C8orf34: variants seen among roughly 807,000 people sequenced by gnomAD.
The protein encoded by C8orf34 is uncharacterized protein C8orf34.
Under a neutral mutation model 68.3 loss-of-function variants are expected in C8orf34, and 65 were observed. The ratio of observed to expected loss-of-function variants is 0.95; its 90% confidence interval spans 0.78 to 1.17. C8orf34 has a LOEUF of 1.17. C8orf34 is among the 50% of genes most tolerant of loss of function. The probability of loss-of-function intolerance (pLI) is 0.00; values close to 1 mark genes in which losing one functional copy is unlikely to be tolerated. For synonymous variants in C8orf34, 244 were observed against 241.2 expected (o/e 1.01, Z -0.11); for missense variants, 664 against 655.4 (o/e 1.01, Z -0.14).
intron 1 of C8orf34, among the ~76,000 whole-genome samples, chr8:68,414,535 T>C (rs1000437791): frequency 6.6e-6 from 1 of 152,200 alleles, no homozygotes; most frequent in Non-Finnish European, 1.5e-5. Flanking sequence ...ATTGACATAA[T>C]TTATTCATTC....
intron 7 of C8orf34, among the ~76,000 whole-genome samples, chr8:68,542,769 C>T (rs763812688): frequency 3.3e-5 from 5 of 151,962 alleles, no homozygotes; most frequent in South Asian, 2.1e-4. Context: ...CAAGAACATA[C>T]GTTTTTTAAA....
intron 1 of C8orf34, among the ~76,000 whole-genome samples, chr8:68,405,268 G>A (rs1217186336): frequency 6.6e-6 from 1 of 152,092 alleles, no homozygotes; most frequent in South Asian, 2.1e-4. Context: ...GGAATTCTGG[G>A]CCTTTTAGGG....
chr8:68,818,458 G>A lies in C8orf34; in HGVS notation c.*212G>A, dbSNP rs1389933076. 2 of 524,206 alleles carry A rather than the reference G, an allele frequency of 3.8e-6. No homozygotes were observed. Among genetic ancestry groups the A allele is most frequent in the Middle Eastern group, 1.0e-3 (2 of 1,934 alleles). The allele number at this position is 524,206 out of a possible 1,614,324, so 32.5% of individuals were successfully genotyped here. On this transcript the variant is annotated 3_prime_UTR_variant, in exon 14 of 14. Transcript: ENST00000518698. ...GCAAAGGATTGTGGGGTGGTCAGGA[G>A]GCCGGCTGCCTTTTGACATGGTTAG...
chr8:68,334,470 A>T (rs1233282908), intron 1 of C8orf34, among the ~76,000 whole-genome samples: 2 of 151,610 alleles, frequency 1.3e-5, no homozygotes, highest in Non-Finnish European at 2.9e-5. Context: ...TATATATTCC[A>T]TGTATGTTTG....
chr8:68,510,811 A>G (rs1351345662), intron 5 of C8orf34, among the ~76,000 whole-genome samples: 1 of 152,138 alleles, frequency 6.6e-6, no homozygotes, highest in African/African-American at 2.4e-5. Context: ...TTAAAAACCC[A>G]TCCAAGCCAT....
chr8:68,758,092 C>T (rs1172111439), intron 10 of C8orf34, among the ~76,000 whole-genome samples: 3 of 152,164 alleles, frequency 2.0e-5, no homozygotes, highest in Non-Finnish European at 1.5e-5. Flanking sequence ...CTGATGGCAT[C>T]GGGGATGCAA....
At chr8:68,545,852 T>G (rs951322829) in intron 7 of C8orf34, among the ~76,000 whole-genome samples, 2 of 152,110 alleles carry the variant, frequency 1.3e-5, no homozygotes, top group African/African-American at 2.4e-5. Context: ...TCAAAGACAA[T>G]TGACTGCTTA....
In C8orf34 at chr8:68,435,675, A is replaced by G. The variant is rs189827362; in HGVS notation, c.328-3824A>G. The stretch of plus-strand genomic sequence containing the variant: ...TCACTCTGCTTTCTGAATCTCCTAC[A>G]CATTTCTTTCACTGGGAAACTCTAA... On this transcript the variant is annotated intron_variant, in intron 1 of 13. Transcript: ENST00000518698. 5.7e-3 allele frequency among the ~76,000 whole-genome samples: 869 copies of G among 152,282 alleles called. 8 individuals carry two copies. The highest frequency in any genetic ancestry group is 0.02 in the African/African-American group (840 of 41,556).
At chr8:68,494,681 C>T (rs1328757369) in intron 5 of C8orf34, among the ~76,000 whole-genome samples, 2 of 151,808 alleles carry the variant, frequency 1.3e-5, no homozygotes, top group Admixed American at 6.6e-5. Context: ...ATGGTGAAAC[C>T]CTGTATCTAC....
At chr8:68,523,942 C>G (rs1468933258) in intron 6 of C8orf34, among the ~76,000 whole-genome samples, 2 of 152,214 alleles carry the variant, frequency 1.3e-5, no homozygotes, top group Non-Finnish European at 2.9e-5. Flanking sequence ...CTCACCCTCT[C>G]CACTGGGGCT....
Position 68,646,321 on chromosome 8 carries a change from A to T in C8orf34, c.1241+5810A>T, listed in dbSNP as rs532589931. Among the ~76,000 whole-genome samples, 4 of 151,990 alleles carry T rather than the reference A, an allele frequency of 2.6e-5. No homozygotes were observed. The South Asian group carries it at 8.3e-4, about 31-fold the overall frequency. ...CAATTTAATTTTTAAAATTTAATTT[A>T]AAAAATGTTTTAAATAACAAATAAT... On this transcript the variant is annotated intron_variant, in intron 8 of 13. Transcript: ENST00000518698.
At chr8:68,488,404 G>T (rs1813167747) in intron 5 of C8orf34, among the ~76,000 whole-genome samples, 1 of 151,940 alleles carries the variant, frequency 6.6e-6, no homozygotes, top group African/African-American at 2.4e-5. Context: ...TGTATTTTTT[G>T]ATAGCTCCTC....
chr8:68,757,727 G>T (rs1429837663), intron 10 of C8orf34, among the ~76,000 whole-genome samples: 1 of 152,200 alleles, frequency 6.6e-6, no homozygotes, highest in African/African-American at 2.4e-5. Context: ...TTTAGGCCAA[G>T]CTGAATTTTG....
At chr8:68,356,923 G>A (rs1488117600) in intron 1 of C8orf34, among the ~76,000 whole-genome samples, 2 of 152,056 alleles carry the variant, frequency 1.3e-5, no homozygotes, top group Non-Finnish European at 2.9e-5. Flanking sequence ...CTAATTCATA[G>A]TGACAAGCTA....
At chr8:68,761,686 A>G (rs1823028706) in intron 10 of C8orf34, among the ~76,000 whole-genome samples, 1 of 152,186 alleles carries the variant, frequency 6.6e-6, no homozygotes, top group Non-Finnish European at 1.5e-5. Context: ...CCTGATCAAC[A>G]AAGTCCAGTT....
chr8:68,814,839 T>C (rs964222286), intron 12 of C8orf34, among the ~76,000 whole-genome samples: 1 of 152,246 alleles, frequency 6.6e-6, no homozygotes, highest in African/African-American at 2.4e-5. Context: ...GAATGCTTTA[T>C]AGGATTTTTA....
intron 3 of C8orf34, among the ~76,000 whole-genome samples, chr8:68,455,462 A>G (rs866866695): frequency 6.6e-6 from 1 of 152,112 alleles, no homozygotes; most frequent in East Asian, 1.9e-4. Flanking sequence ...TTCTTGATAG[A>G]TTATCCTTTT....
chr8:68,542,898 T>C lies in C8orf34; in HGVS notation c.1105+9749T>C, dbSNP rs556002853. On this transcript the variant is annotated intron_variant, in intron 7 of 13. Coordinates refer to ENST00000518698, the MANE Select transcript of C8orf34 (RefSeq NM_052958.4). ...ATTGTTCCTTTAGAAAATGCCATTT[T>C]GTTTAAAACATACTCTCTAATCATA... Among the ~76,000 whole-genome samples the C allele has an allele frequency of 2.6e-5, 4 of 152,264 alleles. No homozygotes were observed. In the East Asian group the frequency reaches 7.7e-4, roughly 29 times the overall value.
At chr8:68,342,038 T>C (rs1280449567) in intron 1 of C8orf34, among the ~76,000 whole-genome samples, 1 of 152,190 alleles carries the variant, frequency 6.6e-6, no homozygotes, top group African/African-American at 2.4e-5. Flanking sequence ...AATTATGTAT[T>C]GTATACTTGA....
Sources: allele counts gnomAD v4.1 joint callset (sites outside exome capture counted in the v4.1 genomes callset), GRCh38; gene constraint gnomAD v4.1.1; transcripts MANE v1.5; gene names NCBI Gene and HGNC (gene_info 2026-07-23, HGNC 2026-07-21).